CRY1: variants seen among roughly 807,000 people sequenced by gnomAD.
CRY1 encodes the protein cryptochrome-1.
CRY1 carries 45 observed loss-of-function variants against 76.0 expected under a neutral mutation model. That is an observed-to-expected ratio of 0.59 (90% CI 0.47 to 0.76). The LOEUF is 0.76. Among genes scored for constraint, CRY1 ranks in the 30% least tolerant of loss-of-function variants. CRY1 has a pLI of 0.00. For synonymous variants in CRY1, 248 were observed against 244.0 expected, an observed-to-expected ratio of 1.02 and a Z score of -0.15; for missense variants, 587 against 716.4, an observed-to-expected ratio of 0.82 and a Z score of 2.06.
At chr12:107,054,441 A>G (rs1204111685) in intron 1 of CRY1, among the ~76,000 whole-genome samples, 1 of 151,646 alleles carries the variant, frequency 6.6e-6, no homozygotes, top group Admixed American at 6.6e-5. Flanking sequence ...ATTTAAAACA[A>G]CAGAATTTAA....
At chr12:106,993,085 T>C (rs1952197918) in intron 10 of CRY1, 49 bp from the exon 11 acceptor site, 1 of 1,573,704 alleles carries the variant, frequency 6.4e-7, no homozygotes, top group Non-Finnish European at 8.7e-7. Flanking sequence ...AAATCCAAGA[T>C]GTATGTATTA....
At chr12:107,054,234 C>T (rs895933479) in intron 1 of CRY1, among the ~76,000 whole-genome samples, 4 of 151,972 alleles carry the variant, frequency 2.6e-5, no homozygotes, top group East Asian at 1.9e-4. Flanking sequence ...TTAGAGTTTG[C>T]GTTTCAAGGG....
In CRY1 at chr12:107,092,705, T is replaced by C; in HGVS notation, c.158+99A>G. The C allele has an allele frequency of 2.6e-6, 4 of 1,521,596 alleles. No homozygotes were observed. In the South Asian group the frequency reaches 3.6e-5, roughly 14 times the overall value. 94.3% of individuals were successfully genotyped at this position (1,521,596 alleles called of 1,614,324 possible). ...TTCGTAAGCGGTATAAGCAAGACAG[T>C]CCCACGTCTAAATTCACAGATTTGG... On this transcript the variant is annotated intron_variant, in intron 1 of 12. Transcript: ENST00000008527.
intron 1 of CRY1, among the ~76,000 whole-genome samples, chr12:107,043,631 G>C (rs1169967173): frequency 6.6e-6 from 1 of 152,198 alleles, no homozygotes; most frequent in Non-Finnish European, 1.5e-5. Flanking sequence ...TGCTTCTGTG[G>C]AGCTGGACTA....
At chr12:107,029,422 T>C (rs1473029777) in intron 1 of CRY1, among the ~76,000 whole-genome samples, 1 of 151,828 alleles carries the variant, frequency 6.6e-6, no homozygotes, top group African/African-American at 2.4e-5. Flanking sequence ...GGAGATCTCA[T>C]CTCTACAAAA....
chr12:107,021,354 C>T (rs1952555999), intron 2 of CRY1, among the ~76,000 whole-genome samples: 1 of 152,150 alleles, frequency 6.6e-6, no homozygotes, highest in Admixed American at 6.6e-5. Context: ...AATCCTTTGA[C>T]CCAGAAAGTC....
At position 107,033,652 on chromosome 12, in the gene CRY1, C is replaced by A. The variant is rs1263169990; in HGVS notation, c.159-11460G>T. On this transcript the variant is annotated intron_variant, in intron 1 of 12. Coordinates refer to ENST00000008527, the MANE Select transcript of CRY1 (RefSeq NM_004075.5). ...GAAGAAAAACTATATAACCAATTGA[C>A]GAGATGTATAAAGAGTAGCAACAAA... Among the ~76,000 whole-genome samples, 3 of 151,984 alleles carry A rather than the reference C, an allele frequency of 2.0e-5. No homozygotes were observed. In the East Asian group the frequency reaches 5.8e-4, roughly 29 times the overall value.
chr12:106,992,988 T>C lies in CRY1; in HGVS notation c.1634A>G (p.Gln545Arg). Residue 545 changes from glutamine (Q) to arginine (R), a missense_variant, in exon 11 of 13, where the codon CAG becomes CGG. Transcript: ENST00000008527. ...GILHYAHGDS[Q>R]QTHLLKQGRS... ...ACCTTGCTTCAACAGGTGAGTTTGC[T>C]GACTGTCGCCATGAGCATAGTGTAA... 1.2e-6 allele frequency: 2 copies of C among 1,614,082 alleles called. No homozygotes were observed. Among genetic ancestry groups the C allele is most frequent in the East Asian group, 2.2e-5 (1 of 44,876 alleles).
At position 106,991,480 on chromosome 12, in the gene CRY1, C is replaced by T. The variant is rs1952179936; in HGVS notation, c.*522G>A. 6.6e-6 allele frequency: 1 copy of T among 152,564 alleles called. No individual in the cohort carries two copies. The highest frequency in any genetic ancestry group is 6.5e-5 in the Admixed American group (1 of 15,274). 9.5% of individuals were successfully genotyped at this position (152,564 alleles called of 1,614,324 possible). On this transcript the variant is annotated 3_prime_UTR_variant, in exon 13 of 13. Coordinates refer to ENST00000008527, the MANE Select transcript of CRY1 (RefSeq NM_004075.5). ...ACAAGTTTGGGTCTAAAAAGGTTTA[C>T]ATCAAAGTTTAAAACATATACTGTC...
intron 1 of CRY1, among the ~76,000 whole-genome samples, chr12:107,065,456 G>A (rs547903098): frequency 1.8e-4 from 28 of 152,160 alleles, no homozygotes; most frequent in East Asian, 9.7e-4. Flanking sequence ...TTAACCAAGC[G>A]TGGTGGTGCA....
At position 107,058,402 on chromosome 12, in the gene CRY1, C is replaced by CA. The variant is rs552394388; in HGVS notation, c.158+34401dup. On this transcript the variant is annotated intron_variant, in intron 1 of 12. Transcript: ENST00000008527. ...TCTTGGCAAGAGTAACAGAACACCA[C>CA]AGACACAATGAATGAGCTCAAGTTG... 9.5e-4 allele frequency among the ~76,000 whole-genome samples: 145 copies of CA among 152,190 alleles called. 1 individual carries two copies. Among genetic ancestry groups the CA allele is most frequent in the African/African-American group, 3.3e-3 (137 of 41,534 alleles).
intron 1 of CRY1, among the ~76,000 whole-genome samples, chr12:107,088,786 A>G (rs533277519): frequency 2.2e-4 from 34 of 152,372 alleles, no homozygotes; most frequent in Admixed American, 1.9e-3. Flanking sequence ...GCAAGAGTTC[A>G]GAATACTGCT....
intron 1 of CRY1, among the ~76,000 whole-genome samples, chr12:107,024,337 G>A (rs894158950): frequency 6.6e-6 from 1 of 151,890 alleles, no homozygotes; most frequent in East Asian, 1.9e-4. Flanking sequence ...GAAGAATTAA[G>A]TATGGATTAA....
intron 1 of CRY1, among the ~76,000 whole-genome samples, chr12:107,054,533 A>T (rs762728120): frequency 1.3e-5 from 2 of 151,726 alleles, no homozygotes; most frequent in Admixed American, 1.3e-4. Flanking sequence ...TTTGGTAATT[A>T]TAACAAATGT....
intron 1 of CRY1, among the ~76,000 whole-genome samples, chr12:107,028,940 T>TA (rs1952646120): frequency 1.3e-5 from 2 of 152,192 alleles, no homozygotes; most frequent in Admixed American, 1.3e-4. Context: ...TAAAATTGTG[T>TA]AAAAAATACC....
At chr12:107,088,812 G>A (rs11113184) in intron 1 of CRY1, among the ~76,000 whole-genome samples, 2,442 of 152,262 alleles carry the variant, frequency 0.016, 70 homozygotes, top group African/African-American at 0.056. Flanking sequence ...TCCCAGACAA[G>A]CACAGAGTTG....
chr12:107,047,642 G>T (rs1159630152), intron 1 of CRY1, among the ~76,000 whole-genome samples: 1 of 152,126 alleles, frequency 6.6e-6, no homozygotes, highest in African/African-American at 2.4e-5. Context: ...CGTGAAGAAG[G>T]ATGAGTTTGC....
At chr12:107,057,403 A>G (rs1170115720) in intron 1 of CRY1, among the ~76,000 whole-genome samples, 1 of 152,192 alleles carries the variant, frequency 6.6e-6, no homozygotes, top group Non-Finnish European at 1.5e-5. Flanking sequence ...AGCCCTGCCT[A>G]CCCACTCGTG....
chr12:107,019,097 C>G (rs1469483081), intron 2 of CRY1, among the ~76,000 whole-genome samples: 4 of 152,174 alleles, frequency 2.6e-5, no homozygotes, highest in Non-Finnish European at 5.9e-5. Context: ...ACCTGAGACA[C>G]TAATTAAGTA....
Sources: gnomAD v4.1 joint callset for allele counts (sites outside exome capture counted in the v4.1 genomes callset) on GRCh38, gnomAD v4.1.1 for gene constraint, MANE v1.5 for transcripts, NCBI Gene and HGNC (gene_info 2026-07-23, HGNC 2026-07-21) for gene names.